Variants in COLGALT2 observed in about 807,000 individuals in gnomAD.
The protein encoded by COLGALT2 is procollagen galactosyltransferase 2.
A neutral mutation model predicts 73.4 loss-of-function variants in COLGALT2; 49 were observed. The observed-to-expected ratio is 0.67, with a 90% CI of 0.53 to 0.85. COLGALT2 has a LOEUF of 0.85. Ranked by LOEUF, COLGALT2 falls within the 40% of genes least tolerant of loss-of-function variation. COLGALT2 has a pLI of 0.00. For synonymous variants in COLGALT2, 295 were observed against 307.6 expected, an observed-to-expected ratio of 0.96 and a Z score of 0.43; for missense variants, 722 against 790.2, an observed-to-expected ratio of 0.91 and a Z score of 1.03.
intron 1 of COLGALT2, among the ~76,000 whole-genome samples, chr1:183,990,862 G>A (rs1365493067): frequency 4.6e-5 from 7 of 152,162 alleles, no homozygotes; most frequent in Admixed American, 4.6e-4. Context: ...AGTGAAGAGG[G>A]GTGACCCCCT....
At chr1:184,024,940 T>C (rs1649288594) in intron 1 of COLGALT2, among the ~76,000 whole-genome samples, 2 of 152,234 alleles carry the variant, frequency 1.3e-5, no homozygotes, top group African/African-American at 2.4e-5. Flanking sequence ...GCCAATGGGC[T>C]TGGAGGTTCC....
At chr1:183,957,778 G>GTTTTTTTTT in intron 6 of COLGALT2, among the ~76,000 whole-genome samples, 1 of 118,920 alleles carries the variant, frequency 8.4e-6, no homozygotes, top group Non-Finnish European at 1.7e-5. Context: ...TTTTGTGGTG[G>GTTTTTTTTT]TTTTTTTTTT....
Position 183,971,853 on chromosome 1 carries a change from T to G in COLGALT2, c.627+1763A>C, listed in dbSNP as rs1433797995. Among the ~76,000 whole-genome samples, 3 of 152,348 alleles carry G rather than the reference T, an allele frequency of 2.0e-5. No homozygotes were observed. In the East Asian group the frequency reaches 5.8e-4, roughly 29 times the overall value. On this transcript the variant is annotated intron_variant, in intron 4 of 11. Transcript: ENST00000361927. The stretch of plus-strand genomic sequence containing the variant: ...CCTCATGTGGCAGTTTTACATGTTT[T>G]TAATAGCTGTATCATCAAGTGGCTA...
At chr1:184,035,294 G>A (rs1342857373) in intron 1 of COLGALT2, among the ~76,000 whole-genome samples, 7 of 152,254 alleles carry the variant, frequency 4.6e-5, no homozygotes, top group African/African-American at 1.7e-4. Context: ...TTATTGATGA[G>A]GCAACTGATG....
Position 183,936,708 on chromosome 1 carries a change from T to C in COLGALT2, c.*2053A>G. ...AAATCTTAGGAATCACCTAAGGAAT[T>C]TTCACTCGCTCCCCAGATGCTCTTT... On this transcript the variant is annotated 3_prime_UTR_variant, in exon 12 of 12. Coordinates refer to ENST00000361927, the MANE Select transcript of COLGALT2 (RefSeq NM_015101.4). The C allele has an allele frequency of 8.1e-7, 1 of 1,230,016 alleles. No individual in the cohort carries two copies. The highest frequency in any genetic ancestry group is 1.0e-6 in the Non-Finnish European group (1 of 987,464). The allele number at this position is 1,230,016 out of a possible 1,614,324, so 76.2% of individuals were successfully genotyped here. A position where few individuals can be genotyped will look rare whatever the true frequency, so the allele number is the denominator to read the frequency against.
In COLGALT2 at chr1:183,938,962, C is replaced by A; in HGVS notation, c.1680G>T (p.Thr560=). 2 of 1,614,024 alleles carry A rather than the reference C, an allele frequency of 1.2e-6. No individual in the cohort carries two copies. Among genetic ancestry groups the A allele is most frequent in the African/African-American group, 2.7e-5 (2 of 74,974 alleles). Residue 560 remains threonine, a synonymous_variant, in exon 12 of 12, where the codon ACG becomes ACT. Transcript: ENST00000361927. The part of the protein sequence containing the change: ...FSAEPLLIYP[T]HYTGQPGYLS... Reference sequence around the variant, plus strand: ...GGTACCCCGGCTGGCCTGTGTAGTGCGTAGGGTAGATGAGCAAGGGTTCTG... The same window carrying A: ...GGTACCCCGGCTGGCCTGTGTAGTGAGTAGGGTAGATGAGCAAGGGTTCTG...
chr1:183,999,379 T>C (rs1315796050), intron 1 of COLGALT2, among the ~76,000 whole-genome samples: 1 of 152,162 alleles, frequency 6.6e-6, no homozygotes, highest in Non-Finnish European at 1.5e-5. Flanking sequence ...GCTTAGGATT[T>C]TTACATTTAT....
intron 1 of COLGALT2, among the ~76,000 whole-genome samples, chr1:183,994,641 G>T (rs1432597892): frequency 6.6e-6 from 1 of 152,084 alleles, no homozygotes; most frequent in Non-Finnish European, 1.5e-5. Flanking sequence ...TTTTAGTAGA[G>T]ACGGGGTTTC....
intron 4 of COLGALT2, among the ~76,000 whole-genome samples, chr1:183,973,404 A>G (rs1184816426): frequency 6.6e-6 from 1 of 152,084 alleles, no homozygotes; most frequent in African/African-American, 2.4e-5. Context: ...TCTTTAGACT[A>G]TTTTTTTCAT....
intron 1 of COLGALT2, among the ~76,000 whole-genome samples, chr1:184,012,659 T>C (rs926118556): frequency 1.3e-5 from 2 of 152,024 alleles, no homozygotes; most frequent in Non-Finnish European, 2.9e-5. Context: ...AAAAGCAAAA[T>C]AAGAAAATGG....
chr1:183,943,436 TGAG>T (rs1436049542), intron 10 of COLGALT2, among the ~76,000 whole-genome samples: 1 of 134,294 alleles, frequency 7.4e-6, no homozygotes, highest in African/African-American at 2.8e-5. Context: ...AAAAAGAAAA[TGAG>T]AGAGAGAAAG....
At chr1:183,957,776 T>C (rs375615630) in intron 6 of COLGALT2, among the ~76,000 whole-genome samples, 1 of 136,054 alleles carries the variant, frequency 7.4e-6, no homozygotes, top group Non-Finnish European at 1.6e-5. Context: ...TTTTTTGTGG[T>C]GGTTTTTTTT....
intron 1 of COLGALT2, 57 bp from the exon 2 acceptor site, chr1:183,978,577 A>C: frequency 9.4e-7 from 1 of 1,065,174 alleles, no homozygotes. Flanking sequence ...AAGAGAGGGA[A>C]ATCCAAAAGA....
chr1:184,022,805 T>G (rs146308870), intron 1 of COLGALT2, among the ~76,000 whole-genome samples: 1 of 152,246 alleles, frequency 6.6e-6, no homozygotes, highest in African/African-American at 2.4e-5. Flanking sequence ...ACATTGACTA[T>G]GATATCAAAG....
intron 1 of COLGALT2, among the ~76,000 whole-genome samples, chr1:184,014,878 AT>A (rs991104884): frequency 1.3e-5 from 2 of 152,186 alleles, no homozygotes; most frequent in African/African-American, 4.8e-5. Context: ...TCTACTGAAA[AT>A]GTCCATGGAA....
At chr1:183,977,002 G>C (rs961865883) in intron 2 of COLGALT2, among the ~76,000 whole-genome samples, 2 of 152,178 alleles carry the variant, frequency 1.3e-5, no homozygotes, top group Non-Finnish European at 2.9e-5. Context: ...TTTTCTTTTG[G>C]TGCTAAATTC....
chr1:183,949,350 A>G (rs1670333781), intron 8 of COLGALT2, among the ~76,000 whole-genome samples: 3 of 152,244 alleles, frequency 2.0e-5, no homozygotes, highest in Admixed American at 2.0e-4. Flanking sequence ...ACAGTCATCA[A>G]GACGGTATAG....
rs992050987 is a variant in COLGALT2 at position 183,938,012 on chromosome 1, T to C, written c.*749A>G. 1.0e-6 allele frequency: 1 copy of C among 985,442 alleles called. No homozygotes were observed. Among genetic ancestry groups the C allele is most frequent in the South Asian group, 4.7e-5 (1 of 21,290 alleles). The allele number at this position is 985,442 out of a possible 1,614,324, so 61.0% of individuals were successfully genotyped here. A position where few individuals can be genotyped will look rare whatever the true frequency, so the allele number is the denominator to read the frequency against. On this transcript the variant is annotated 3_prime_UTR_variant, in exon 12 of 12. Coordinates refer to ENST00000361927, the MANE Select transcript of COLGALT2 (RefSeq NM_015101.4). Reference sequence around the variant, plus strand: ...TAGAGCATCCTGACTCGAGTGGCCATAATAAAAAAGCCAAACATTGAGTTT... The same window carrying C: ...TAGAGCATCCTGACTCGAGTGGCCACAATAAAAAAGCCAAACATTGAGTTT...
chr1:183,990,081 T>C (rs559512529), intron 1 of COLGALT2, among the ~76,000 whole-genome samples: 2 of 152,326 alleles, frequency 1.3e-5, no homozygotes, highest in South Asian at 2.1e-4. Context: ...GAATAAAAGA[T>C]ACACATGCCC....
Sources: gnomAD v4.1 joint callset for allele counts (sites outside exome capture counted in the v4.1 genomes callset) on GRCh38, gnomAD v4.1.1 for gene constraint, MANE v1.5 for transcripts, NCBI Gene and HGNC (gene_info 2026-07-23, HGNC 2026-07-21) for gene names.